Variants in CRYL1 observed in about 807,000 individuals in gnomAD.
CRYL1 encodes lambda-crystallin homolog.
In CRYL1, 29 loss-of-function variants were observed where a neutral mutation model predicts 36.6. The ratio of observed to expected loss-of-function variants is 0.79; its 90% CI spans 0.59 to 1.08. The LOEUF (loss-of-function observed/expected upper bound fraction) is 1.08. Ranked by LOEUF, CRYL1 falls within the 50% of genes least tolerant of loss-of-function variation. The probability of loss-of-function intolerance (pLI) is 0.00; values close to 1 mark genes in which losing one functional copy is unlikely to be tolerated. For missense variants in CRYL1, 411 were observed against 407.9 expected (o/e 1.01, Z -0.06); for synonymous variants, 152 against 151.5 (o/e 1.00, Z -0.02).
intron 3 of CRYL1, among the ~76,000 whole-genome samples, chr13:20,454,193 A>G (rs888104386): frequency 1.3e-4 from 20 of 152,118 alleles, no homozygotes; most frequent in Admixed American, 9.8e-4. Flanking sequence ...TTACATGGGG[A>G]AAAAAAATCT....
chr13:20,513,821 C>T (rs954092204), intron 1 of CRYL1: 3 of 151,726 alleles, frequency 2.0e-5, no homozygotes, highest in Non-Finnish European at 2.9e-5. Context: ...AGCAGGACTC[C>T]CTGGAGAAAT....
chr13:20,410,068 A>G (rs1412082411), intron 6 of CRYL1, among the ~76,000 whole-genome samples: 1 of 152,036 alleles, frequency 6.6e-6, no homozygotes. Flanking sequence ...ATGCTGCTAT[A>G]AAGATACATG....
At chr13:20,454,663 C>T (rs1031053556) in intron 3 of CRYL1, among the ~76,000 whole-genome samples, 1 of 152,176 alleles carries the variant, frequency 6.6e-6, no homozygotes, top group Admixed American at 6.5e-5. Flanking sequence ...TCATGATCCA[C>T]CCGCCTCGGC....
intron 1 of CRYL1, among the ~76,000 whole-genome samples, chr13:20,517,328 C>T (rs906900208): frequency 1.3e-5 from 2 of 152,118 alleles, no homozygotes; most frequent in Non-Finnish European, 2.9e-5. Flanking sequence ...TGGCCGGGTG[C>T]AGTGGCTCAC....
In CRYL1 at chr13:20,498,050, C is replaced by T. The variant is rs575703159; in HGVS notation, c.150-8554G>A. 3.6e-3 allele frequency among the ~76,000 whole-genome samples: 543 copies of T among 151,526 alleles called. 6 individuals carry two copies. The highest frequency in any genetic ancestry group is 0.012 in the African/African-American group (515 of 41,286). Reference sequence around the variant, plus strand: ...GTCTCTAGAGCTACACACACAACTACACACACACCCTATACACACTACACA... The same window carrying T: ...GTCTCTAGAGCTACACACACAACTATACACACACCCTATACACACTACACA... On this transcript the variant is annotated intron_variant, in intron 2 of 7. Coordinates refer to ENST00000298248, the MANE Select transcript of CRYL1 (RefSeq NM_015974.3).
At chr13:20,507,701 A>T (rs190899719) in intron 2 of CRYL1, among the ~76,000 whole-genome samples, 7 of 151,418 alleles carry the variant, frequency 4.6e-5, no homozygotes, top group Admixed American at 6.6e-5. Context: ...GGCGGATCAC[A>T]AGGTCAGGAG....
At chr13:20,448,960 G>A (rs186569426) in intron 3 of CRYL1, among the ~76,000 whole-genome samples, 3 of 139,012 alleles carry the variant, frequency 2.2e-5, no homozygotes, top group African/African-American at 7.5e-5. Flanking sequence ...CTGAGGTCAG[G>A]GGTTCGAGAC....
At chr13:20,433,538 C>T (rs1418648698) in intron 4 of CRYL1, among the ~76,000 whole-genome samples, 2 of 152,198 alleles carry the variant, frequency 1.3e-5, no homozygotes, top group African/African-American at 4.8e-5. Flanking sequence ...GCTCTGCCCT[C>T]TCAGGAATCA....
At chr13:20,496,414 T>C (rs150529638) in intron 2 of CRYL1, among the ~76,000 whole-genome samples, 2 of 152,314 alleles carry the variant, frequency 1.3e-5, no homozygotes, top group East Asian at 3.9e-4. Flanking sequence ...AATTTAGAAA[T>C]AAGTCGATTT....
At chr13:20,453,701 C>A (rs2032620805) in intron 3 of CRYL1, among the ~76,000 whole-genome samples, 1 of 151,936 alleles carries the variant, frequency 6.6e-6, no homozygotes. Flanking sequence ...AGAAACAAAT[C>A]AATGAAATCA....
intron 2 of CRYL1, among the ~76,000 whole-genome samples, chr13:20,492,976 GC>G: frequency 6.6e-6 from 1 of 152,278 alleles, no homozygotes. Flanking sequence ...CAGAGTCAAT[GC>G]CCCCACCGGT....
rs1020462674 is a variant in CRYL1 at position 20,408,579 on chromosome 13, G to C, written c.740-3838C>G. ...AAACTCTAGGTACCTGGTTCCAGAG[G>C]CTTCTCCATGCCATAGCAAAAATCC... On this transcript the variant is annotated intron_variant, in intron 6 of 7. Coordinates refer to ENST00000298248, the MANE Select transcript of CRYL1 (RefSeq NM_015974.3). Among the ~76,000 whole-genome samples the C allele has an allele frequency of 3.3e-5, 5 of 152,178 alleles. No homozygotes were observed. In the South Asian group the frequency reaches 8.3e-4, roughly 25 times the overall value.
At chr13:20,463,848 G>A (rs1429622961) in intron 3 of CRYL1, among the ~76,000 whole-genome samples, 1 of 152,134 alleles carries the variant, frequency 6.6e-6, no homozygotes, top group Admixed American at 6.5e-5. Flanking sequence ...TAGTAGTACC[G>A]AAAACGCACA....
intron 3 of CRYL1, among the ~76,000 whole-genome samples, chr13:20,476,334 G>A (rs190161051): frequency 1.4e-5 from 2 of 143,358 alleles, no homozygotes; most frequent in East Asian, 4.1e-4. Flanking sequence ...CAGCCTGGGT[G>A]ACAGAGCAAA....
At chr13:20,505,258 G>A (rs2033771886) in intron 2 of CRYL1, among the ~76,000 whole-genome samples, 2 of 150,942 alleles carry the variant, frequency 1.3e-5, no homozygotes, top group African/African-American at 4.9e-5. Flanking sequence ...TCGGGAGGCT[G>A]AAGGAGGAGA....
chr13:20,407,656 G>C (rs2031411890), intron 6 of CRYL1, among the ~76,000 whole-genome samples: 1 of 151,934 alleles, frequency 6.6e-6, no homozygotes, highest in South Asian at 2.1e-4. Flanking sequence ...CTGTCCCTTT[G>C]AGTTCTAATT....
chr13:20,461,202 T>C (rs2032810995), intron 3 of CRYL1, among the ~76,000 whole-genome samples: 1 of 152,234 alleles, frequency 6.6e-6, no homozygotes, highest in Non-Finnish European at 1.5e-5. Flanking sequence ...TCTTACTGAG[T>C]TATATTTTTT....
chr13:20,439,613 G>A lies in CRYL1; in HGVS notation c.418C>T (p.Gln140Ter). The part of the protein sequence containing the change: ...KLFAGLVHVK[Q>*]CIVAHPVNPP... Reference sequence around the variant, plus strand: ...CTCACAGGATGAGCCACGATGCATTGCTTCACATGGACCAAGCCAGCAAAC... The same window carrying A: ...CTCACAGGATGAGCCACGATGCATTACTTCACATGGACCAAGCCAGCAAAC... The change falls in exon 4 of 8, where the codon CAA becomes TAA. Residue 140 changes from glutamine (Q) to a stop codon, truncating the protein, a stop_gained. Transcript: ENST00000298248. LOFTEE classifies it high-confidence loss of function. 4.3e-6 allele frequency: 7 copies of A among 1,610,352 alleles called. No individual in the cohort carries two copies. Among genetic ancestry groups the A allele is most frequent in the Non-Finnish European group, 4.2e-6 (5 of 1,178,558 alleles).
At chr13:20,500,143 C>G (rs904029024) in intron 2 of CRYL1, among the ~76,000 whole-genome samples, 1 of 152,212 alleles carries the variant, frequency 6.6e-6, no homozygotes, top group African/African-American at 2.4e-5. Context: ...ATGGACGGAA[C>G]TAATGGAGGA....
Sources: allele counts gnomAD v4.1 joint callset (sites outside exome capture counted in the v4.1 genomes callset), GRCh38; gene constraint gnomAD v4.1.1; transcripts MANE v1.5; gene names NCBI Gene and HGNC (gene_info 2026-07-23, HGNC 2026-07-21).